The following WWOX variants were observed in gnomAD, a reference collection of about 807,000 sequenced individuals.
WWOX encodes the protein WW domain containing oxidoreductase.
Under a neutral mutation model 46.2 loss-of-function variants are expected in WWOX, and 69 were observed. The observed-to-expected ratio is 1.49, with a 90% confidence interval of 1.23 to 1.82. The LOEUF (loss-of-function observed/expected upper bound fraction) is 1.82. Among genes scored for constraint, WWOX ranks in the 40% most tolerant of loss-of-function variants. WWOX has a pLI of 0.00. For missense variants in WWOX, 919 were observed against 542.6 expected (o/e 1.69, Z -6.89); for synonymous variants, 359 against 202.6 (o/e 1.77, Z -6.56).
At chr16:78,259,293 C>T (rs1362549811) in intron 5 of WWOX, among the ~76,000 whole-genome samples, 1 of 152,132 alleles carries the variant, frequency 6.6e-6, no homozygotes, top group Non-Finnish European at 1.5e-5. Context: ...AGAGAAGACA[C>T]AATTTAGAAG....
At chr16:78,299,879 T>G (rs2080009160) in intron 5 of WWOX, among the ~76,000 whole-genome samples, 2 of 152,120 alleles carry the variant, frequency 1.3e-5, no homozygotes, top group Admixed American at 1.3e-4. Context: ...ATCTAAGAAT[T>G]TGGACTAAAA....
intron 8 of WWOX, among the ~76,000 whole-genome samples, chr16:79,158,049 C>G (rs2050416147): frequency 1.3e-5 from 2 of 152,032 alleles, no homozygotes; most frequent in Admixed American, 6.6e-5. Flanking sequence ...TTTGCTGCCT[C>G]TAGGAATTTA....
In WWOX at chr16:78,390,107, C is replaced by G. The variant is rs112125658; in HGVS notation, c.605+3159C>G. Among the ~76,000 whole-genome samples, 371 of 152,320 alleles carry G rather than the reference C, an allele frequency of 2.4e-3. 3 individuals carry two copies. Among genetic ancestry groups the G allele is most frequent in the African/African-American group, 8.7e-3 (361 of 41,574 alleles). On this transcript the variant is annotated intron_variant, in intron 6 of 8. Transcript: ENST00000566780. ...AATGTGAGTGACTTTCGCAGGGTCACTTAGCAGGTTGGTGACGGGCATGGG... is the reference window on the plus strand; with the variant it reads ...AATGTGAGTGACTTTCGCAGGGTCAGTTAGCAGGTTGGTGACGGGCATGGG...
chr16:78,468,452 G>A (rs1375514688), intron 8 of WWOX, among the ~76,000 whole-genome samples: 1 of 152,010 alleles, frequency 6.6e-6, no homozygotes, highest in Non-Finnish European at 1.5e-5. Context: ...CACTGAGTTT[G>A]CAGATTCATC....
chr16:78,560,486 A>G (rs1419147811), intron 8 of WWOX, among the ~76,000 whole-genome samples: 1 of 152,158 alleles, frequency 6.6e-6, no homozygotes, highest in African/African-American at 2.4e-5. Context: ...TCTACTAAAA[A>G]TACAAAAATT....
chr16:78,545,265 C>G (rs2044000751), intron 8 of WWOX, among the ~76,000 whole-genome samples: 1 of 152,072 alleles, frequency 6.6e-6, no homozygotes. Context: ...AGCCCCAACT[C>G]AGGGATGTTG....
At chr16:78,850,975 GTC>G (rs905312063) in intron 8 of WWOX, among the ~76,000 whole-genome samples, 2 of 152,150 alleles carry the variant, frequency 1.3e-5, no homozygotes, top group African/African-American at 2.4e-5. Flanking sequence ...AGTATTCTGG[GTC>G]TCTCTGCATG....
chr16:78,268,493 T>A (rs114043715), intron 5 of WWOX, among the ~76,000 whole-genome samples: 2,090 of 152,282 alleles, frequency 0.014, 51 homozygotes, highest in African/African-American at 0.048. Context: ...CTCTTACAAT[T>A]ATTTTATTTT....
intron 8 of WWOX, among the ~76,000 whole-genome samples, chr16:78,507,110 C>T (rs1431161069): frequency 6.6e-6 from 1 of 152,156 alleles, no homozygotes; most frequent in Non-Finnish European, 1.5e-5. Flanking sequence ...AAGTGATAGA[C>T]TTTGATAGTG....
chr16:78,429,227 C>T (rs1342339838), intron 7 of WWOX, among the ~76,000 whole-genome samples: 8 of 152,168 alleles, frequency 5.3e-5, no homozygotes, highest in Admixed American at 5.2e-4. Flanking sequence ...GAGCAATGTA[C>T]AGATAGAACA....
chr16:78,466,834 C>A (rs145391448), intron 8 of WWOX, among the ~76,000 whole-genome samples: 3 of 151,872 alleles, frequency 2.0e-5, no homozygotes, highest in Admixed American at 1.3e-4. Flanking sequence ...GGCAACAGAG[C>A]GAGACTCCGT....
chr16:78,487,708 C>G (rs945506280), intron 8 of WWOX, among the ~76,000 whole-genome samples: 2 of 152,118 alleles, frequency 1.3e-5, no homozygotes, highest in African/African-American at 2.4e-5. Context: ...AAACATGTCT[C>G]CAGATGTTGG....
chr16:78,120,109 C>T (rs1249437743), intron 4 of WWOX, among the ~76,000 whole-genome samples: 1 of 152,090 alleles, frequency 6.6e-6, no homozygotes, highest in African/African-American at 2.4e-5. Context: ...CTGACACTTG[C>T]ATTTTCTATT....
At chr16:78,341,030 G>C (rs13334509) in intron 5 of WWOX, among the ~76,000 whole-genome samples, 13,271 of 118,948 alleles carry the variant, frequency 0.11, 4,078 homozygotes, top group African/African-American at 0.33. Flanking sequence ...AGAAGTACCA[G>C]GTTCCACATT....
intron 8 of WWOX, among the ~76,000 whole-genome samples, chr16:78,524,109 C>T (rs1427543044): frequency 6.6e-6 from 1 of 152,150 alleles, no homozygotes; most frequent in Non-Finnish European, 1.5e-5. Context: ...GTGTTTTAGT[C>T]GGCAAACATC....
intron 8 of WWOX, among the ~76,000 whole-genome samples, chr16:78,440,929 CTTTTTCT>C (rs952682669): frequency 3.3e-5 from 5 of 151,894 alleles, no homozygotes; most frequent in Non-Finnish European, 5.9e-5. Context: ...CCTGTAGTTT[CTTTTTCT>C]TTTTTCTTTT....
At chr16:78,121,787 G>A (rs1484377616) in intron 4 of WWOX, among the ~76,000 whole-genome samples, 2 of 151,640 alleles carry the variant, frequency 1.3e-5, no homozygotes, top group Non-Finnish European at 2.9e-5. Context: ...TCAGCCTCCT[G>A]AGTAGCTGGG....
chr16:78,764,595 G>C (rs562588275), intron 8 of WWOX, among the ~76,000 whole-genome samples: 2 of 141,682 alleles, frequency 1.4e-5, no homozygotes, highest in South Asian at 2.8e-4. Context: ...GCCGTGCCCC[G>C]GGTGGGTTTG....
rs897890741 is a variant in WWOX, at chr16:78,914,065, G to T, written c.1057-297543G>T. Among the ~76,000 whole-genome samples the T allele has an allele frequency of 4.6e-5, 7 of 152,178 alleles. No individual in the cohort carries two copies. The East Asian group carries it at 1.3e-3, about 29-fold the overall frequency. ...AAATGAGATTTGACAACTGCATTTG[G>T]AAATGGAGTATGACAGTATCATTCT... On this transcript the variant is annotated intron_variant, in intron 8 of 8. Transcript: ENST00000566780.
Sources: gnomAD v4.1 joint callset for allele counts (sites outside exome capture counted in the v4.1 genomes callset) on GRCh38, gnomAD v4.1.1 for gene constraint, MANE v1.5 for transcripts, NCBI Gene and HGNC (gene_info 2026-07-23, HGNC 2026-07-21) for gene names.